The following DAB1 variants were observed in gnomAD, a reference collection of about 807,000 sequenced individuals.
DAB1 encodes disabled homolog 1.
In DAB1, 15 loss-of-function variants were observed where a neutral mutation model predicts 64.6. That is an observed-to-expected ratio of 0.23 (90% CI 0.16 to 0.36). The LOEUF (loss-of-function observed/expected upper bound fraction) is 0.36, where lower values mean the gene tolerates loss of function less well. DAB1 is among the 10% of genes least tolerant of loss of function. The pLI, the probability that DAB1 is intolerant of heterozygous loss-of-function variation, is 1.00. For synonymous variants in DAB1, 235 were observed against 251.9 expected (o/e 0.93, Z 0.64); for missense variants, 596 against 706.7 (o/e 0.84, Z 1.78).
intron 3 of DAB1, among the ~76,000 whole-genome samples, chr1:58,363,621 C>A (rs1644187474): frequency 6.6e-6 from 1 of 152,226 alleles, no homozygotes; most frequent in Admixed American, 6.5e-5. Flanking sequence ...AATTATTTGT[C>A]CGCTCCACAG....
chr1:58,023,496 A>G (rs946853027), intron 5 of DAB1, among the ~76,000 whole-genome samples: 3 of 152,114 alleles, frequency 2.0e-5, no homozygotes, highest in Non-Finnish European at 4.4e-5. Flanking sequence ...CTCTTCAGTA[A>G]TCTAATACGC....
intron 3 of DAB1, chr1:58,468,658 G>A (rs1347288694): frequency 2.0e-5 from 3 of 152,350 alleles, no homozygotes. Flanking sequence ...TCTGAAGTGC[G>A]AGAAAGGAGA....
intron 5 of DAB1, among the ~76,000 whole-genome samples, chr1:58,008,008 C>G (rs1646611874): frequency 6.6e-6 from 1 of 152,078 alleles, no homozygotes; most frequent in Non-Finnish European, 1.5e-5. Context: ...AGGCATGTGG[C>G]ATACAAATAT....
rs546648817 is a variant in DAB1, at chr1:57,245,512, A to G, written c.67+45452T>C. 3.9e-5 allele frequency among the ~76,000 whole-genome samples: 6 copies of G among 152,050 alleles called. No individual in the cohort carries two copies. The South Asian group carries it at 1.0e-3, about 26-fold the overall frequency. On this transcript the variant is annotated intron_variant, in intron 2 of 14. Transcript: ENST00000371236. ...TGTTCTCATTGTTCAATTCCCACCT[A>G]TGAGTGAGAACTTGTGGTGTTTGGT... is the stretch of plus-strand genomic sequence containing the variant.
chr1:57,143,805 T>G lies in DAB1; in HGVS notation c.207+1485A>C, dbSNP rs546733885. 5.9e-5 allele frequency among the ~76,000 whole-genome samples: 9 copies of G among 151,916 alleles called. No homozygotes were observed. The East Asian group carries it at 1.7e-3, about 29-fold the overall frequency. On this transcript the variant is annotated intron_variant, in intron 3 of 14. Transcript: ENST00000371236. ...CATTTATGCATTTTACAGGCTTTAA[T>G]ACTTTTACACACCTAACAAGCTTTT... is the stretch of plus-strand genomic sequence containing the variant.
At chr1:57,685,223 A>T (rs989108723) in intron 6 of DAB1, among the ~76,000 whole-genome samples, 2 of 151,672 alleles carry the variant, frequency 1.3e-5, no homozygotes, top group African/African-American at 4.8e-5. Flanking sequence ...AAGTGCTGGG[A>T]TTATAGGCAT....
chr1:58,036,480 T>G (rs1184999875), intron 5 of DAB1, among the ~76,000 whole-genome samples: 1 of 152,218 alleles, frequency 6.6e-6, no homozygotes, highest in Non-Finnish European at 1.5e-5. Flanking sequence ...CTAGTTCTTA[T>G]AGTCGCCACT....
At position 57,011,184 on chromosome 1, in the gene DAB1, C is replaced by T. The variant is rs1285734180; in HGVS notation, c.1533G>A (p.Glu511=). ...CGCTTTTGCTGGGACTTTCAAAGCCCTCTTCAAAGATGTCATCTGTGGTAG... is the reference window on the plus strand; with the variant it reads ...CGCTTTTGCTGGGACTTTCAAAGCCTTCTTCAAAGATGTCATCTGTGGTAG... ...SDPTTDDIFE[E]GFESPSKSEE... is the part of the protein sequence containing the mutation. The change falls in exon 13 of 15, where the codon GAG becomes GAA. Residue 511 remains glutamate, a synonymous_variant. Coordinates refer to ENST00000371236, the MANE Select transcript of DAB1 (RefSeq NM_001365792.1). The T allele has an allele frequency of 1.1e-5, 17 of 1,613,934 alleles. No individual in the cohort carries two copies. Among genetic ancestry groups the T allele is most frequent in the Admixed American group, 3.3e-5 (2 of 59,988 alleles).
chr1:57,416,367 C>A (rs1299522433), intron 1 of DAB1, among the ~76,000 whole-genome samples: 1 of 152,168 alleles, frequency 6.6e-6, no homozygotes, highest in Admixed American at 6.5e-5. Context: ...GGAATGGAAC[C>A]TCATAAACTT....
Position 58,530,648 on chromosome 1 carries a change from C to A in DAB1, n.33-3313G>T, listed in dbSNP as rs77980955. ...CACTGGCACAAAAGTGCCAAGCTATCTCGAGGACAAATGGCCCAAATCATT... is the reference window on the plus strand; with the variant it reads ...CACTGGCACAAAAGTGCCAAGCTATATCGAGGACAAATGGCCCAAATCATT... On this transcript the variant is annotated intron_variant and non_coding_transcript_variant, in intron 1 of 20. Coordinates refer to the DAB1 transcript ENST00000485760. The A allele has an allele frequency of 3.6e-3, 3,155 of 872,802 alleles. 11 individuals carry two copies. The highest frequency in any genetic ancestry group is 4.8e-3 in the Non-Finnish European group (2,392 of 501,582). The allele number at this position is 872,802 out of a possible 1,614,324, so 54.1% of individuals were successfully genotyped here. A position where few individuals can be genotyped will look rare whatever the true frequency, so the allele number is the denominator to read the frequency against.
chr1:57,226,672 A>AAAAAAAATATAT (rs747021990), intron 2 of DAB1, among the ~76,000 whole-genome samples: 14 of 135,994 alleles, frequency 1.0e-4, no homozygotes, highest in African/African-American at 4.3e-4. Flanking sequence ...TTAAAAAAAA[A>AAAAAAAATATAT]ATATATATAT....
intron 5 of DAB1, among the ~76,000 whole-genome samples, chr1:57,980,605 C>T (rs1332978875): frequency 1.3e-5 from 2 of 152,124 alleles, no homozygotes; most frequent in African/African-American, 4.8e-5. Flanking sequence ...CAAGGAACTC[C>T]AGAATGCTCA....
intron 4 of DAB1, among the ~76,000 whole-genome samples, chr1:58,292,841 C>G (rs1033988679): frequency 6.6e-6 from 1 of 152,106 alleles, no homozygotes; most frequent in Non-Finnish European, 1.5e-5. Flanking sequence ...TTAGACTTAA[C>G]AAGTATTCTG....
At chr1:57,456,192 C>T (rs960334728) in intron 7 of DAB1, among the ~76,000 whole-genome samples, 15 of 152,162 alleles carry the variant, frequency 9.9e-5, no homozygotes, top group African/African-American at 3.4e-4. Flanking sequence ...AGTAAAAGTT[C>T]AGTGCTCAGG....
At chr1:57,499,829 C>T (rs1644270276) in intron 7 of DAB1, among the ~76,000 whole-genome samples, 1 of 152,084 alleles carries the variant, frequency 6.6e-6, no homozygotes, top group South Asian at 2.1e-4. Flanking sequence ...TTATGCTTAC[C>T]TGGGTCAATT....
chr1:57,870,283 A>C (rs752689078), intron 1 of DAB1, among the ~76,000 whole-genome samples: 3 of 152,172 alleles, frequency 2.0e-5, no homozygotes, highest in Non-Finnish European at 2.9e-5. Context: ...CCTGTCCGTG[A>C]GTGCCAACAC....
intron 4 of DAB1, among the ~76,000 whole-genome samples, chr1:58,221,906 C>T (rs531394964): frequency 6.6e-6 from 1 of 152,272 alleles, no homozygotes; most frequent in South Asian, 2.1e-4. Context: ...GTTCCATAGT[C>T]CTATAATTCA....
At chr1:58,072,085 T>TGGGGG (rs10665790) in intron 5 of DAB1, among the ~76,000 whole-genome samples, 107 of 82,030 alleles carry the variant, frequency 1.3e-3, no homozygotes, top group Middle Eastern at 5.6e-3. Context: ...ATTGGTGGGG[T>TGGGGG]GGGGGGGGGT....
chr1:57,774,433 T>C (rs980919899), intron 6 of DAB1, among the ~76,000 whole-genome samples: 4 of 151,810 alleles, frequency 2.6e-5, no homozygotes, highest in Non-Finnish European at 5.9e-5. Context: ...ACATTCCAAA[T>C]TTATTTTAAT....
Sources: allele counts gnomAD v4.1 joint callset (sites outside exome capture counted in the v4.1 genomes callset), GRCh38; gene constraint gnomAD v4.1.1; transcripts MANE v1.5; gene names NCBI Gene and HGNC (gene_info 2026-07-23, HGNC 2026-07-21).